PDPN: variants seen among roughly 807,000 people sequenced by gnomAD.
PDPN encodes the protein PA2.26 antigen.
A neutral mutation model predicts 23.2 loss-of-function variants in PDPN; 12 were observed. The ratio of observed to expected loss-of-function variants is 0.52; its 90% CI spans 0.33 to 0.84. The LOEUF (loss-of-function observed/expected upper bound fraction) is 0.84, where lower values mean the gene tolerates loss of function less well. PDPN is among the 40% of genes least tolerant of loss of function. The probability of loss-of-function intolerance (pLI) is 0.02; values close to 1 mark genes in which losing one functional copy is unlikely to be tolerated. For missense variants in PDPN, 199 were observed against 212.2 expected (o/e 0.94, Z 0.39); for synonymous variants, 77 against 76.7 (o/e 1.00, Z -0.02).
intron 1 of PDPN, among the ~76,000 whole-genome samples, chr1:13,588,626 A>C (rs1640247496): frequency 6.8e-6 from 1 of 147,550 alleles, no homozygotes; most frequent in Admixed American, 6.8e-5. Context: ...ATAATATATA[A>C]TATAAATATA....
chr1:13,590,006 T>G (rs1640295994), intron 1 of PDPN, among the ~76,000 whole-genome samples: 2 of 152,188 alleles, frequency 1.3e-5, no homozygotes, highest in African/African-American at 4.8e-5. Flanking sequence ...TTTTCTACGT[T>G]TGGTAGAGAT....
chr1:13,607,469 T>G (rs1275871297), intron 2 of PDPN, among the ~76,000 whole-genome samples, 163 bp downstream of exon 2: 1 of 152,210 alleles, frequency 6.6e-6, no homozygotes, highest in Admixed American at 6.5e-5. Context: ...GAAGAATAAG[T>G]CCTCACTTAA....
At position 13,617,349 on chromosome 1, in the gene PDPN, T is replaced by C. The variant is rs1641098771; in HGVS notation, c.*1438T>C. ...TGTCTGGATGTTATTTTAAACAGTG[T>C]GTCTGTGTGTTCCCAAATCCAGCTG... On this transcript the variant is annotated 3_prime_UTR_variant, in exon 6 of 6. Coordinates refer to ENST00000621990, the MANE Select transcript of PDPN (RefSeq NM_006474.5). 6.6e-6 allele frequency: 1 copy of C among 152,228 alleles called. No homozygotes were observed. The highest frequency in any genetic ancestry group is 2.4e-5 in the African/African-American group (1 of 41,454). 9.4% of individuals were successfully genotyped at this position (152,228 alleles called of 1,614,324 possible).
At chr1:13,589,183 T>G (rs1640268169) in intron 1 of PDPN, among the ~76,000 whole-genome samples, 1 of 152,150 alleles carries the variant, frequency 6.6e-6, no homozygotes, top group Non-Finnish European at 1.5e-5. Context: ...GTCTGGAAAT[T>G]TATTCCACCC....
At chr1:13,594,965 A>G (rs1034410989) in intron 1 of PDPN, among the ~76,000 whole-genome samples, 2 of 151,132 alleles carry the variant, frequency 1.3e-5, no homozygotes, top group African/African-American at 2.4e-5. Flanking sequence ...ACTGCACTCC[A>G]GCCTGGGCGA....
chr1:13,584,185 C>T (rs775849883), intron 1 of PDPN, 85 bp downstream of exon 1: 36 of 1,547,880 alleles, frequency 2.3e-5, no homozygotes, highest in Non-Finnish European at 2.9e-5. Context: ...GCCTGGTATT[C>T]GAGGTTGTCC....
chr1:13,617,179 A>C lies in PDPN; in HGVS notation c.*1268A>C, dbSNP rs1336103173. 6.6e-6 allele frequency: 1 copy of C among 151,134 alleles called. No homozygotes were observed. Among genetic ancestry groups the C allele is most frequent in the Non-Finnish European group, 1.5e-5 (1 of 67,894 alleles). The allele number at this position is 151,134 out of a possible 1,614,324, so 9.4% of individuals were successfully genotyped here. On this transcript the variant is annotated 3_prime_UTR_variant, in exon 6 of 6. Coordinates refer to ENST00000621990, the MANE Select transcript of PDPN (RefSeq NM_006474.5). The stretch of plus-strand genomic sequence containing the variant: ...TTGGATTTTTTTTTTTTTTTCCTAA[A>C]CAAAGTTTTTACACTGAGCAGATGC...
At position 13,617,638 on chromosome 1, in the gene PDPN, T is replaced by C. The variant is rs944757022; in HGVS notation, c.*1727T>C. On this transcript the variant is annotated 3_prime_UTR_variant, in exon 6 of 6. Transcript: ENST00000621990. ...TGCCCGCCTCGGCCTCCCAAAGTGCTGGGATTACAGGCGTGTGCCACTGCG... is the reference window on the plus strand; with the variant it reads ...TGCCCGCCTCGGCCTCCCAAAGTGCCGGGATTACAGGCGTGTGCCACTGCG... 6 of 152,386 alleles carry C rather than the reference T, an allele frequency of 3.9e-5. No individual in the cohort carries two copies. The highest frequency in any genetic ancestry group is 1.4e-4 in the African/African-American group (6 of 41,470). The allele number at this position is 152,386 out of a possible 1,614,324, so 9.4% of individuals were successfully genotyped here.
At position 13,591,997 on chromosome 1, in the gene PDPN, G is replaced by A. The variant is rs186226550; in HGVS notation, c.67+7897G>A. 1.8e-3 allele frequency among the ~76,000 whole-genome samples: 281 copies of A among 152,256 alleles called. 1 individual carries two copies. Among genetic ancestry groups the A allele is most frequent in the Non-Finnish European group, 2.5e-3 (173 of 68,024 alleles). On this transcript the variant is annotated intron_variant, in intron 1 of 5. Coordinates refer to ENST00000621990, the MANE Select transcript of PDPN (RefSeq NM_006474.5). Reference sequence around the variant, plus strand: ...TCTCTTTCTCTGTGTGTGTGTTTACGTTGTAGCCATTCTAATGGGTATGAA... The same window carrying A: ...TCTCTTTCTCTGTGTGTGTGTTTACATTGTAGCCATTCTAATGGGTATGAA...
intron 1 of PDPN, among the ~76,000 whole-genome samples, chr1:13,596,608 G>A (rs1433517417): frequency 6.6e-6 from 1 of 152,180 alleles, no homozygotes; most frequent in East Asian, 1.9e-4. Context: ...AGGAGCTTTG[G>A]GACTTCAGAG....
intron 1 of PDPN, among the ~76,000 whole-genome samples, chr1:13,605,692 G>C (rs1031890294): frequency 6.6e-6 from 1 of 151,952 alleles, no homozygotes; most frequent in African/African-American, 2.4e-5. Flanking sequence ...GTGTGATCTT[G>C]GCTCACTGCA....
In PDPN at chr1:13,616,169, C is replaced by A. The variant is rs1431114968; in HGVS notation, c.*258C>A. ...AAAAGATTATTTGAAAGACAAAATT[C>A]ATAGAAAATGGAGCAAAACTGTATA... On this transcript the variant is annotated 3_prime_UTR_variant, in exon 6 of 6. Transcript: ENST00000621990. 3.7e-6 allele frequency: 2 copies of A among 545,586 alleles called. No homozygotes were observed. The highest frequency in any genetic ancestry group is 4.6e-5 in the South Asian group (2 of 43,298). 33.8% of individuals were successfully genotyped at this position (545,586 alleles called of 1,614,324 possible).
At chr1:13,596,667 G>T (rs1640505316) in intron 1 of PDPN, among the ~76,000 whole-genome samples, 1 of 152,184 alleles carries the variant, frequency 6.6e-6, no homozygotes, top group South Asian at 2.1e-4. Context: ...GTTCAGAGTG[G>T]TGTGGCTGTA....
chr1:13,600,687 G>A (rs888472480), intron 1 of PDPN, among the ~76,000 whole-genome samples: 23 of 152,144 alleles, frequency 1.5e-4, no homozygotes, highest in African/African-American at 5.6e-4. Flanking sequence ...TTCCGACCTT[G>A]TTAAAGAAAC....
At chr1:13,590,627 G>A (rs993498373) in intron 1 of PDPN, among the ~76,000 whole-genome samples, 5 of 152,138 alleles carry the variant, frequency 3.3e-5, no homozygotes, top group African/African-American at 7.2e-5. Flanking sequence ...GGGAATAGGC[G>A]TGGGCATTGA....
At chr1:13,597,853 T>C (rs922862360) in intron 1 of PDPN, among the ~76,000 whole-genome samples, 5 of 151,874 alleles carry the variant, frequency 3.3e-5, no homozygotes, top group Admixed American at 6.6e-5. Context: ...TACGCACTTA[T>C]AGTCCCAGCT....
intron 1 of PDPN, among the ~76,000 whole-genome samples, chr1:13,589,332 A>G (rs1173207512): frequency 1.3e-5 from 2 of 152,198 alleles, no homozygotes; most frequent in Non-Finnish European, 2.9e-5. Flanking sequence ...TAAATAAACT[A>G]TTTGGTTTTC....
Position 13,599,011 on chromosome 1 carries a change from C to CTTTTTTTTTTTTTTTTT in PDPN, c.68-8161_68-8145dup, listed in dbSNP as rs35244657. Among the ~76,000 whole-genome samples, 864 of 126,902 alleles carry CTTTTTTTTTTTTTTTTT rather than the reference C, an allele frequency of 6.8e-3. 27 individuals carry two copies. The highest frequency in any genetic ancestry group is 0.01 in the Non-Finnish European group (603 of 59,968). The allele number at this position is 126,902 out of a possible 152,430, so 83.3% of individuals were successfully genotyped here. A position where few individuals can be genotyped will look rare whatever the true frequency, so the allele number is the denominator to read the frequency against. ...ACAGTCCAAGAAAGTGCCCCCCCTCCTTTTTTTTTTTTTTTTTGGAGATGG... is the reference window on the plus strand; with the variant it reads ...ACAGTCCAAGAAAGTGCCCCCCCTCCTTTTTTTTTTTTTTTTTTTTTTTTTTTTTTTTTTGGAGATGG... On this transcript the variant is annotated intron_variant, in intron 1 of 5. Transcript: ENST00000621990.
chr1:13,592,779 A>C (rs1640383746), intron 1 of PDPN, among the ~76,000 whole-genome samples: 1 of 151,810 alleles, frequency 6.6e-6, no homozygotes, highest in Non-Finnish European at 1.5e-5. Flanking sequence ...CAAACTCCCG[A>C]CCTCAGGTGA....
Sources: allele counts gnomAD v4.1 joint callset (sites outside exome capture counted in the v4.1 genomes callset), GRCh38; gene constraint gnomAD v4.1.1; transcripts MANE v1.5; gene names NCBI Gene and HGNC (gene_info 2026-07-23, HGNC 2026-07-21).